Variants in CFAP97 observed in about 807,000 individuals in gnomAD.
CFAP97 encodes the protein cilia- and flagella-associated protein 97.
In CFAP97, 36 loss-of-function variants were observed where a neutral mutation model predicts 43.1. That is an observed-to-expected ratio of 0.84 (90% CI 0.64 to 1.10). The LOEUF (loss-of-function observed/expected upper bound fraction) is 1.10. CFAP97 is among the 50% of genes least tolerant of loss of function. CFAP97 has a pLI of 0.00. For missense variants in CFAP97, 657 were observed against 620.3 expected (o/e 1.06, Z -0.63); for synonymous variants, 228 against 225.7 (o/e 1.01, Z -0.09).
chr4:185,179,648 G>C (rs1019855346), intron 2 of CFAP97, among the ~76,000 whole-genome samples: 1 of 152,162 alleles, frequency 6.6e-6, no homozygotes, highest in African/African-American at 2.4e-5. Context: ...CCAGGCACCT[G>C]ATGTGAAAAC....
intron 3 of CFAP97, among the ~76,000 whole-genome samples, chr4:185,166,768 G>A (rs1236274819): frequency 3.3e-5 from 5 of 152,102 alleles, no homozygotes; most frequent in African/African-American, 1.2e-4. Flanking sequence ...AGTGTTACAT[G>A]AATATAACAA....
intron 1 of CFAP97, among the ~76,000 whole-genome samples, chr4:185,198,154 C>G (rs1475816675): frequency 6.6e-6 from 1 of 152,136 alleles, no homozygotes; most frequent in East Asian, 1.9e-4. Flanking sequence ...AGAAAAGAAG[C>G]CTGCTCAGCC....
intron 1 of CFAP97, among the ~76,000 whole-genome samples, chr4:185,199,148 G>A (rs977217823): frequency 2.6e-5 from 4 of 152,056 alleles, no homozygotes; most frequent in Non-Finnish European, 4.4e-5. Context: ...TGAGACGGGC[G>A]GATCACTTGA....
intron 2 of CFAP97, among the ~76,000 whole-genome samples, chr4:185,183,581 A>G (rs1298794805): frequency 6.6e-6 from 1 of 152,264 alleles, no homozygotes; most frequent in Non-Finnish European, 1.5e-5. Flanking sequence ...TAAAGAAAAC[A>G]TAGGAAAATA....
At chr4:185,174,119 A>C (rs1227881482) in intron 3 of CFAP97, among the ~76,000 whole-genome samples, 1 of 152,214 alleles carries the variant, frequency 6.6e-6, no homozygotes, top group Non-Finnish European at 1.5e-5. Flanking sequence ...TGTAACTACA[A>C]TAACTATAAG....
Position 185,191,436 on chromosome 4 carries a change from G to C in CFAP97, c.-16-224C>G, listed in dbSNP as rs548599732. On this transcript the variant is annotated intron_variant, in intron 1 of 4. Coordinates refer to ENST00000458385, the MANE Select transcript of CFAP97 (RefSeq NM_020827.3). ...AAAAATAAAAAAGTCCCATAGTTAA[G>C]TTCACAAGAAAATAACAGATCATCA... 7.2e-5 allele frequency among the ~76,000 whole-genome samples: 11 copies of C among 152,290 alleles called. No homozygotes were observed. In the South Asian group the frequency reaches 2.3e-3, roughly 32 times the overall value.
intron 3 of CFAP97, among the ~76,000 whole-genome samples, chr4:185,173,532 C>T (rs76723441): frequency 5.6e-4 from 86 of 152,220 alleles, no homozygotes; most frequent in Non-Finnish European, 8.7e-4. Context: ...CTTAGGTCTA[C>T]ACCTACAATG....
intron 3 of CFAP97, chr4:185,169,114 C>CA (rs1163249908): frequency 1.3e-5 from 2 of 152,138 alleles, no homozygotes; most frequent in Non-Finnish European, 2.9e-5. Context: ...ACCCAAGGTA[C>CA]AAAGTTCCAG....
At position 185,163,998 on chromosome 4, in the gene CFAP97, A is replaced by G. The variant is rs531656484; in HGVS notation, c.1471+31T>C. ...TTTAAAAAAAGGATACAAGATACAA[A>G]TAAGTATAAAATAATTTCCAAAATG... On this transcript the variant is annotated intron_variant, in intron 4 of 4. Transcript: ENST00000458385. 96 of 1,591,206 alleles carry G rather than the reference A, an allele frequency of 6.0e-5. No individual in the cohort carries two copies. In the South Asian group the frequency reaches 8.6e-4, roughly 14 times the overall value.
chr4:185,197,394 T>C (rs767254892), intron 1 of CFAP97, among the ~76,000 whole-genome samples: 2 of 152,084 alleles, frequency 1.3e-5, no homozygotes, highest in Non-Finnish European at 2.9e-5. Flanking sequence ...TGGATTTTAC[T>C]GGCGAATATA....
chr4:185,168,452 C>G (rs1735156686), intron 3 of CFAP97, among the ~76,000 whole-genome samples: 1 of 151,460 alleles, frequency 6.6e-6, no homozygotes, highest in Non-Finnish European at 1.5e-5. Context: ...ACTAAAAATA[C>G]AAAAATTAGC....
chr4:185,175,266 T>C (rs1735469093), intron 3 of CFAP97, among the ~76,000 whole-genome samples: 1 of 152,006 alleles, frequency 6.6e-6, no homozygotes, highest in South Asian at 2.1e-4. Context: ...CTCTCTTTTT[T>C]CTTCTCTTTT....
chr4:185,175,501 C>T (rs892121493), intron 3 of CFAP97, among the ~76,000 whole-genome samples: 20 of 152,052 alleles, frequency 1.3e-4, no homozygotes, highest in African/African-American at 4.8e-4. Context: ...GTCTCAAACT[C>T]CTTGCCTCAA....
chr4:185,196,725 T>C (rs527725541), intron 1 of CFAP97, among the ~76,000 whole-genome samples: 14 of 152,256 alleles, frequency 9.2e-5, no homozygotes, highest in Admixed American at 8.5e-4. Flanking sequence ...TCAAGTGTCA[T>C]AGGTAATATG....
upstream of CFAP97, chr4:185,209,622 G>A: frequency 1.8e-6 from 1 of 543,606 alleles, no homozygotes; most frequent in Non-Finnish European, 2.3e-6. This position sits in a 1 kb window ranked among gnomAD's most constrained non-coding sequence, Gnocchi z 5.2. Flanking sequence ...GGGGCTCCCT[G>A]GCTGCGCCCG....
At chr4:185,191,667 TA>T (rs1179453422) in intron 1 of CFAP97, among the ~76,000 whole-genome samples, 8 of 152,034 alleles carry the variant, frequency 5.3e-5, no homozygotes, top group Non-Finnish European at 1.0e-4. Context: ...CCGTCTCTAC[TA>T]AAAATACAAA....
chr4:185,189,580 ACTACT>A (rs1164203382), intron 2 of CFAP97, among the ~76,000 whole-genome samples: 2 of 152,232 alleles, frequency 1.3e-5, no homozygotes, highest in East Asian at 1.9e-4. Flanking sequence ...AAGCAAAAAG[ACTACT>A]CTAATTCAAA....
chr4:185,197,368 C>T (rs1736601216), intron 1 of CFAP97, among the ~76,000 whole-genome samples: 1 of 151,964 alleles, frequency 6.6e-6, no homozygotes, highest in African/African-American at 2.4e-5. Context: ...GTGACTATTA[C>T]ACTGAATGTC....
At chr4:185,208,505 G>A (rs947539300), upstream of CFAP97, among the ~76,000 whole-genome samples, 7 of 151,724 alleles carry the variant, frequency 4.6e-5, no homozygotes, top group Non-Finnish European at 5.9e-5. Flanking sequence ...TGAGGCAGGC[G>A]GATCACGAGG....
Sources: allele counts gnomAD v4.1 joint callset (sites outside exome capture counted in the v4.1 genomes callset), GRCh38; gene constraint gnomAD v4.1.1; non-coding constraint Gnocchi (gnomAD v3.1); transcripts MANE v1.5; gene names NCBI Gene and HGNC (gene_info 2026-07-23, HGNC 2026-07-21).